FAM110B: variants seen among roughly 807,000 people sequenced by gnomAD.
FAM110B encodes protein FAM110B.
Under a neutral mutation model 20.4 loss-of-function variants are expected in FAM110B, and 6 were observed. The ratio of observed to expected loss-of-function variants is 0.29; its 90% CI spans 0.16 to 0.58. The LOEUF (loss-of-function observed/expected upper bound fraction) is 0.58. Among genes scored for constraint, FAM110B ranks in the 20% least tolerant of loss-of-function variants. The pLI is 0.90. For missense variants in FAM110B, 434 were observed against 498.2 expected (o/e 0.87, Z 1.23); for synonymous variants, 226 against 214.1 (o/e 1.06, Z -0.49).
At position 58,024,172 on chromosome 8, in the gene FAM110B, C is replaced by CTTTT. The variant is rs10651271; in HGVS notation, c.-511-7422_-511-7419dup. ...TAAATTTAATGAAACTTTCACTGTG[C>CTTTT]TTTTTTTTTTTTTTTGTAAAACCCA... On this transcript the variant is annotated intron_variant, in intron 1 of 3. Transcript: ENST00000519262. 4.4e-4 allele frequency among the ~76,000 whole-genome samples: 57 copies of CTTTT among 129,512 alleles called. 2 individuals carry two copies. The highest frequency in any genetic ancestry group is 1.5e-3 in the South Asian group (6 of 4,112). The allele number at this position is 129,512 out of a possible 152,430, so 85.0% of individuals were successfully genotyped here. A position where few individuals can be genotyped will look rare whatever the true frequency, so the allele number is the denominator to read the frequency against.
chr8:58,033,358 A>G (rs1027955813), intron 2 of FAM110B, among the ~76,000 whole-genome samples: 1 of 152,184 alleles, frequency 6.6e-6, no homozygotes, highest in Non-Finnish European at 1.5e-5. Flanking sequence ...GCTGCAGTGA[A>G]CATATAAATT....
chr8:58,105,556 ATTTTTTTTT>A (rs71557704), intron 3 of FAM110B, among the ~76,000 whole-genome samples: 14 of 94,638 alleles, frequency 1.5e-4, no homozygotes, highest in African/African-American at 5.0e-4. Context: ...GAATGAATGA[ATTTTTTTTT>A]TTTTTTTTTT....
At chr8:58,074,362 C>T (rs1018835353) in intron 2 of FAM110B, among the ~76,000 whole-genome samples, 3 of 152,100 alleles carry the variant, frequency 2.0e-5, no homozygotes, top group African/African-American at 7.2e-5. Context: ...CAATCCCCCA[C>T]ACTCACAGCC....
chr8:58,092,586 T>G (rs1194625424), intron 3 of FAM110B, among the ~76,000 whole-genome samples: 1 of 152,252 alleles, frequency 6.6e-6, no homozygotes, highest in Non-Finnish European at 1.5e-5. Flanking sequence ...CATCCTTTTT[T>G]ATGACTACAT....
intron 2 of FAM110B, among the ~76,000 whole-genome samples, chr8:58,033,635 A>C (rs1469564226): frequency 6.6e-6 from 1 of 152,240 alleles, no homozygotes; most frequent in African/African-American, 2.4e-5. Context: ...AAAAGGAGAC[A>C]TAACAAGCAG....
rs56031012 is a variant in FAM110B, at chr8:58,047,591, C to CCTCTCTCTCTCTCTCTCTCT, written c.-414+15913_-414+15932dup. The stretch of plus-strand genomic sequence containing the variant: ...CAAATTGTAATTAATCTTCCTTTTT[C>CCTCTCTCTCTCTCTCTCTCT]CTCTCTCTCTCTCTCTCTCTCTCTC... On this transcript the variant is annotated intron_variant, in intron 2 of 3. Transcript: ENST00000519262. 8.7e-3 allele frequency among the ~76,000 whole-genome samples: 653 copies of CCTCTCTCTCTCTCTCTCTCT among 74,692 alleles called. 75 individuals are homozygous for CCTCTCTCTCTCTCTCTCTCT. Among genetic ancestry groups the CCTCTCTCTCTCTCTCTCTCT allele is most frequent in the Non-Finnish European group, 0.012 (410 of 33,834 alleles). 49.0% of individuals were successfully genotyped at this position (74,692 alleles called of 152,430 possible).
intron 3 of FAM110B, among the ~76,000 whole-genome samples, chr8:58,119,588 C>T (rs2150625890): frequency 6.6e-6 from 1 of 152,342 alleles, no homozygotes; most frequent in East Asian, 1.9e-4. Context: ...ATCCTTGTGA[C>T]TGAAGATCTA....
chr8:58,001,347 C>T (rs1290827055), intron 1 of FAM110B, among the ~76,000 whole-genome samples: 3 of 150,520 alleles, frequency 2.0e-5, no homozygotes, highest in African/African-American at 7.4e-5. Context: ...GTGAAAGTGC[C>T]ACACTTGTCA....
chr8:58,010,306 G>A (rs112984238), intron 1 of FAM110B, among the ~76,000 whole-genome samples: 206 of 151,930 alleles, frequency 1.4e-3, no homozygotes, highest in Non-Finnish European at 1.9e-3. Flanking sequence ...ACAGGTGTGC[G>A]CCACCATGCC....
At chr8:58,019,003 A>G (rs538432375) in intron 1 of FAM110B, among the ~76,000 whole-genome samples, 8 of 152,322 alleles carry the variant, frequency 5.3e-5, no homozygotes, top group East Asian at 3.9e-4. Context: ...CTCACAATAC[A>G]TTATTTTTTA....
At chr8:58,103,363 C>T (rs896631552) in intron 3 of FAM110B, among the ~76,000 whole-genome samples, 3 of 149,442 alleles carry the variant, frequency 2.0e-5, no homozygotes, top group African/African-American at 5.0e-5. Context: ...TGATGTTCCC[C>T]TTCCTGTGTC....
At chr8:58,138,498 A>G (rs962893898) in intron 3 of FAM110B, among the ~76,000 whole-genome samples, 1 of 152,098 alleles carries the variant, frequency 6.6e-6, no homozygotes, top group Non-Finnish European at 1.5e-5. Context: ...CAGGCTCCTC[A>G]GCTCCAAGGG....
At chr8:58,064,927 G>A (rs57157697) in intron 2 of FAM110B, among the ~76,000 whole-genome samples, 4,409 of 152,170 alleles carry the variant, frequency 0.029, 213 homozygotes, top group African/African-American at 0.099. Flanking sequence ...TATAACCCTC[G>A]AAGTTTTTGT....
chr8:57,995,884 G>A (rs996241614), intron 1 of FAM110B, among the ~76,000 whole-genome samples: 2 of 152,182 alleles, frequency 1.3e-5, no homozygotes, highest in South Asian at 2.1e-4. Context: ...CACTTCTGGC[G>A]TAACTGGTCT....
chr8:58,019,030 C>A (rs1804691355), intron 1 of FAM110B, among the ~76,000 whole-genome samples: 1 of 152,016 alleles, frequency 6.6e-6, no homozygotes, highest in Non-Finnish European at 1.5e-5. Flanking sequence ...AGCCAAATAT[C>A]TTTTTGTAAA....
intron 3 of FAM110B, among the ~76,000 whole-genome samples, chr8:58,077,881 G>A (rs539850690): frequency 2.6e-5 from 4 of 152,272 alleles, no homozygotes; most frequent in South Asian, 2.1e-4. Flanking sequence ...TCCTAACCCC[G>A]ATACCTAATT....
At chr8:58,135,314 A>G (rs531183576) in intron 3 of FAM110B, among the ~76,000 whole-genome samples, 1 of 152,338 alleles carries the variant, frequency 6.6e-6, no homozygotes, top group South Asian at 2.1e-4. Flanking sequence ...AGAAATGGTC[A>G]TTACTAATGG....
rs1265993031 is a variant in FAM110B at position 58,113,897 on chromosome 8, GGCAAA to G, written c.-324-32006_-324-32002del. Among the ~76,000 whole-genome samples the G allele has an allele frequency of 1.1e-4, 16 of 152,328 alleles. No individual in the cohort carries two copies. The South Asian group carries it at 3.1e-3, about 30-fold the overall frequency. On this transcript the variant is annotated intron_variant, in intron 3 of 3. Coordinates refer to ENST00000519262, the MANE Select transcript of FAM110B (RefSeq NM_001377989.1). ...CATAAAGCAAGGAAAGAAGATAAAT[GGCAAA>G]GCAGAGTATAAGTGACTTCTTGGTA... is the stretch of plus-strand genomic sequence containing the variant.
At chr8:58,031,950 C>T (rs949180732) in intron 2 of FAM110B, among the ~76,000 whole-genome samples, 1 of 152,202 alleles carries the variant, frequency 6.6e-6, no homozygotes. Context: ...AGCACACACA[C>T]TTTATTCCAA....
Sources: allele counts gnomAD v4.1 joint callset (sites outside exome capture counted in the v4.1 genomes callset), GRCh38; gene constraint gnomAD v4.1.1; transcripts MANE v1.5; gene names NCBI Gene and HGNC (gene_info 2026-07-23, HGNC 2026-07-21).